Variants in EXT2 observed in about 807,000 individuals in gnomAD.
EXT2 encodes the protein exostosin glycosyltransferase 2, also known as exostosin-2.
EXT2 carries 53 observed loss-of-function variants against 81.6 expected under a neutral mutation model. The observed-to-expected ratio is 0.65, with a 90% CI of 0.52 to 0.82. The LOEUF (loss-of-function observed/expected upper bound fraction) is 0.82, where lower values mean the gene tolerates loss of function less well. Among genes scored for constraint, EXT2 ranks in the 40% least tolerant of loss-of-function variants. EXT2 has a pLI of 0.00. For missense variants in EXT2, 774 were observed against 910.2 expected, an observed-to-expected ratio of 0.85 and a Z score of 1.93; for synonymous variants, 320 against 340.0, an observed-to-expected ratio of 0.94 and a Z score of 0.65.
At chr11:44,127,266 A>C (rs1433937330) in intron 6 of EXT2, among the ~76,000 whole-genome samples, 1 of 152,214 alleles carries the variant, frequency 6.6e-6, no homozygotes, top group African/African-American at 2.4e-5. Flanking sequence ...GATGACATAC[A>C]GGGCTTAAAA....
intron 10 of EXT2, among the ~76,000 whole-genome samples, chr11:44,222,921 ACT>A (rs765127516): frequency 1.6e-4 from 24 of 152,208 alleles, no homozygotes; most frequent in African/African-American, 5.3e-4. Context: ...GTTTTTTAAA[ACT>A]CTCAAAACTC....
intron 10 of EXT2, among the ~76,000 whole-genome samples, chr11:44,207,906 T>C (rs1955602977): frequency 6.6e-6 from 1 of 152,066 alleles, no homozygotes; most frequent in Admixed American, 6.5e-5. Flanking sequence ...AGCTCAAGTT[T>C]TCCTAGGTTT....
intron 8 of EXT2, among the ~76,000 whole-genome samples, chr11:44,189,190 G>A (rs1955358575): frequency 6.6e-6 from 1 of 152,166 alleles, no homozygotes; most frequent in South Asian, 2.1e-4. Flanking sequence ...ACTCACTTAT[G>A]AGCAAATTGC....
intron 7 of EXT2, among the ~76,000 whole-genome samples, chr11:44,157,492 C>T (rs1022568568): frequency 6.6e-6 from 1 of 152,182 alleles, no homozygotes; most frequent in Non-Finnish European, 1.5e-5. Flanking sequence ...AGAAGTCTCT[C>T]TTCATGGCCA....
At position 44,206,836 on chromosome 11, in the gene EXT2, G is replaced by A. The variant is rs1326227091; in HGVS notation, c.1539G>A (p.Arg513=). The change falls in exon 10 of 14, where the codon AGG becomes AGA. Residue 513 remains arginine (R), a synonymous_variant. Coordinates refer to ENST00000533608, the MANE Select transcript of EXT2 (RefSeq NM_207122.2). The part of the protein sequence containing the change: ...PKIRVPLKVV[R]TAENKLSNRF... Reference sequence around the variant, plus strand: ...TCCGGGTTCCATTAAAAGTTGTGAGGACTGCTGAAAACAAGTTAAGTAACC... The same window carrying A: ...TCCGGGTTCCATTAAAAGTTGTGAGAACTGCTGAAAACAAGTTAAGTAACC... The A allele has an allele frequency of 1.2e-6, 2 of 1,614,042 alleles. No homozygotes were observed. The highest frequency in any genetic ancestry group is 4.5e-5 in the East Asian group (2 of 44,850).
intron 10 of EXT2, among the ~76,000 whole-genome samples, chr11:44,207,860 TC>T (rs1230087151): frequency 1.3e-5 from 2 of 151,456 alleles, no homozygotes; most frequent in African/African-American, 4.9e-5. Flanking sequence ...AGGAATCCCC[TC>T]CCCCCCGACA....
At position 44,246,327 on chromosome 11, in the gene EXT2, C is replaced by T. The variant is rs780807231; in HGVS notation, c.*2040C>T. On this transcript the variant is annotated 3_prime_UTR_variant, in exon 14 of 14. Transcript: ENST00000533608. ...CTGCCCTTTTGCTCATCATCGAATG[C>T]ACTACCTTAGTGGCTGGTTTCTAAT... 6.6e-6 allele frequency among the ~76,000 whole-genome samples: 1 copy of T among 152,180 alleles called. No homozygotes were observed. The highest frequency in any genetic ancestry group is 1.5e-5 in the Non-Finnish European group (1 of 68,034).
chr11:44,178,800 TA>T (rs5791612), intron 8 of EXT2, among the ~76,000 whole-genome samples: 85,092 of 150,486 alleles, frequency 0.57, 24,264 homozygotes, highest in Middle Eastern at 0.74. Flanking sequence ...TAGATATGAT[TA>T]AAAAAAAAAA....
intron 1 of EXT2, among the ~76,000 whole-genome samples, chr11:44,098,442 C>T (rs1375709209): frequency 1.3e-5 from 2 of 151,870 alleles, no homozygotes; most frequent in Non-Finnish European, 2.9e-5. Context: ...CCTGTAATCT[C>T]AGCACTTTGG....
intron 7 of EXT2, among the ~76,000 whole-genome samples, chr11:44,148,298 G>A (rs964078956): frequency 1.3e-5 from 2 of 152,088 alleles, no homozygotes; most frequent in African/African-American, 4.8e-5. Context: ...CACTCAAGAT[G>A]GACACATAAC....
intron 13 of EXT2, among the ~76,000 whole-genome samples, chr11:44,239,123 A>G (rs1564989524): frequency 6.6e-6 from 1 of 152,082 alleles, no homozygotes; most frequent in Non-Finnish European, 1.5e-5. Context: ...TTTTTTCCCA[A>G]AGGGAGATGT....
At chr11:44,129,686 AG>A (rs1462788705) in intron 6 of EXT2, among the ~76,000 whole-genome samples, 2 of 152,266 alleles carry the variant, frequency 1.3e-5, no homozygotes, top group African/African-American at 4.8e-5. Context: ...GAATAAAGGA[AG>A]AGTGTACTAG....
chr11:44,229,379 CTGCAGCTAT>C (rs1955872155), intron 10 of EXT2, among the ~76,000 whole-genome samples: 2 of 152,224 alleles, frequency 1.3e-5, no homozygotes, highest in Admixed American at 1.3e-4. Flanking sequence ...ATTCATTTGT[CTGCAGCTAT>C]TATGACGATG....
At chr11:44,238,579 T>C (rs2135272441) in intron 13 of EXT2, among the ~76,000 whole-genome samples, 1 of 152,296 alleles carries the variant, frequency 6.6e-6, no homozygotes, top group African/African-American at 2.4e-5. Flanking sequence ...GTTACATGTA[T>C]ATGTAACAAT....
chr11:44,218,055 C>T (rs1955739897), intron 10 of EXT2, among the ~76,000 whole-genome samples: 1 of 152,176 alleles, frequency 6.6e-6, no homozygotes, highest in African/African-American at 2.4e-5. Flanking sequence ...TTGATGCTCT[C>T]CCTTTTACAA....
At chr11:44,125,870 C>G (rs955493198) in intron 5 of EXT2, among the ~76,000 whole-genome samples, 6 of 152,190 alleles carry the variant, frequency 3.9e-5, no homozygotes, top group Non-Finnish European at 5.9e-5. Flanking sequence ...GATGCTGACT[C>G]TTGAGGTCAG....
At chr11:44,126,016 A>G (rs1011946188) in intron 5 of EXT2, among the ~76,000 whole-genome samples, 188 of 152,104 alleles carry the variant, frequency 1.2e-3, no homozygotes, top group African/African-American at 4.5e-3. Context: ...CCTTTTCTCT[A>G]GCTTTAAAGA....
rs563468087 is a variant in EXT2, at chr11:44,167,330, G to C, written c.1174-4281G>C. On this transcript the variant is annotated intron_variant, in intron 7 of 13. Coordinates refer to ENST00000533608, the MANE Select transcript of EXT2 (RefSeq NM_207122.2). ...AATCCTAGTAAAAAGCAGCAGTTGGGAATGTAGTGAGCAATGCAGATATTT... is the reference window on the plus strand; with the variant it reads ...AATCCTAGTAAAAAGCAGCAGTTGGCAATGTAGTGAGCAATGCAGATATTT... Among the ~76,000 whole-genome samples, 15 of 152,334 alleles carry C rather than the reference G, an allele frequency of 9.8e-5. 1 individual carries two copies. The South Asian group carries it at 3.1e-3, about 32-fold the overall frequency.
chr11:44,212,690 G>A (rs1955665040), intron 10 of EXT2, among the ~76,000 whole-genome samples: 1 of 152,120 alleles, frequency 6.6e-6, no homozygotes, highest in Non-Finnish European at 1.5e-5. Context: ...AACATCAGCT[G>A]GTAATGGATA....
Sources: gnomAD v4.1 joint callset for allele counts (sites outside exome capture counted in the v4.1 genomes callset) on GRCh38, gnomAD v4.1.1 for gene constraint, MANE v1.5 for transcripts, NCBI Gene and HGNC (gene_info 2026-07-23, HGNC 2026-07-21) for gene names.